Variants in NEBL observed in about 807,000 individuals in gnomAD.
NEBL encodes the protein nebulette.
A neutral mutation model predicts 140.2 loss-of-function variants in NEBL; 122 were observed. The observed-to-expected ratio is 0.87, with a 90% CI of 0.75 to 1.01. NEBL has a LOEUF of 1.01. NEBL is among the 50% of genes least tolerant of loss of function. NEBL has a pLI of 0.00. For missense variants in NEBL, 1,365 were observed against 1,231.3 expected, an observed-to-expected ratio of 1.11 and a Z score of -1.62; for synonymous variants, 436 against 398.9, an observed-to-expected ratio of 1.09 and a Z score of -1.11.
chr10:20,954,652 T>C lies in NEBL; in HGVS notation c.357+7020A>G, dbSNP rs149590976. ...AGGCCAGAGTCCCCTGCTAGAGAGC[T>C]TCCTGCCTCATAGTTCGAATTCCAG... On this transcript the variant is annotated intron_variant, in intron 4 of 6. Transcript: ENST00000417816. Among the ~76,000 whole-genome samples, 198 of 152,264 alleles carry C rather than the reference T, an allele frequency of 1.3e-3. 1 individual carries two copies. The highest frequency in any genetic ancestry group is 4.5e-3 in the African/African-American group (189 of 41,566).
intron 2 of NEBL, among the ~76,000 whole-genome samples, chr10:21,027,946 G>A (rs1375369226): frequency 1.3e-5 from 2 of 152,204 alleles, no homozygotes; most frequent in African/African-American, 2.4e-5. Flanking sequence ...AATAGGCCAA[G>A]TGCAGTGGCT....
chr10:21,065,524 G>C (rs530463179), intron 2 of NEBL, among the ~76,000 whole-genome samples: 214 of 152,284 alleles, frequency 1.4e-3, no homozygotes, highest in Non-Finnish European at 2.4e-3. Context: ...GAAGAAAGAA[G>C]GTGTGAAGGA....
intron 1 of NEBL, among the ~76,000 whole-genome samples, chr10:21,267,413 C>T (rs1045188332): frequency 1.3e-5 from 2 of 152,244 alleles, no homozygotes; most frequent in African/African-American, 4.8e-5. Flanking sequence ...CATGCCCAGG[C>T]TGCTGTTCTG....
At chr10:20,812,519 T>C (rs1248206636) in intron 24 of NEBL, among the ~76,000 whole-genome samples, 1 of 138,982 alleles carries the variant, frequency 7.2e-6, no homozygotes, top group South Asian at 2.4e-4. Flanking sequence ...GGAGGAACAT[T>C]CTTAAAATTA....
chr10:20,845,100 A>C (rs1370263235), intron 12 of NEBL, among the ~76,000 whole-genome samples, 158 bp downstream of exon 12: 2 of 152,110 alleles, frequency 1.3e-5, no homozygotes, highest in Non-Finnish European at 2.9e-5. Flanking sequence ...CTTGTTTCTA[A>C]TGAAAATGCA....
intron 2 of NEBL, among the ~76,000 whole-genome samples, chr10:21,144,174 A>G (rs944963496): frequency 6.6e-6 from 1 of 152,206 alleles, no homozygotes; most frequent in Non-Finnish European, 1.5e-5. Context: ...TTGTCTTTGT[A>G]TCCACCTCCT....
At chr10:20,948,946 G>A (rs1317355865) in intron 4 of NEBL, among the ~76,000 whole-genome samples, 3 of 152,124 alleles carry the variant, frequency 2.0e-5, no homozygotes, top group African/African-American at 7.2e-5. Context: ...CACTAGCTCT[G>A]TCCTCAAACA....
chr10:20,986,150 T>C (rs1467073597), intron 3 of NEBL, among the ~76,000 whole-genome samples: 2 of 152,198 alleles, frequency 1.3e-5, no homozygotes, highest in African/African-American at 2.4e-5. Flanking sequence ...CAAGTTCTAA[T>C]ACATATGCAG....
intron 18 of NEBL, 76 bp from the exon 19 acceptor site, chr10:20,823,376 A>T: frequency 9.4e-7 from 1 of 1,068,912 alleles, no homozygotes; most frequent in Non-Finnish European, 1.4e-6. Flanking sequence ...CTTCAATTGT[A>T]ACTATTGCAT....
chr10:20,963,630 A>G (rs547346868), intron 3 of NEBL, among the ~76,000 whole-genome samples: 14 of 152,232 alleles, frequency 9.2e-5, no homozygotes, highest in African/African-American at 3.4e-4. Context: ...CCTGGCCTCA[A>G]GTGATCCTCC....
chr10:20,968,420 A>G (rs2131631986), intron 3 of NEBL, among the ~76,000 whole-genome samples: 1 of 152,200 alleles, frequency 6.6e-6, no homozygotes. Flanking sequence ...CTGAGACAGG[A>G]GGAATACCTC....
intron 2 of NEBL, among the ~76,000 whole-genome samples, chr10:21,168,673 A>G (rs1474052262): frequency 6.6e-6 from 1 of 152,104 alleles, no homozygotes; most frequent in Non-Finnish European, 1.5e-5. Context: ...AAATGTCCTT[A>G]GTCTTAGTGC....
chr10:20,955,922 A>AC (rs1641865732), intron 4 of NEBL, among the ~76,000 whole-genome samples: 1 of 152,038 alleles, frequency 6.6e-6, no homozygotes, highest in Admixed American at 6.5e-5. Flanking sequence ...AAAAAAAAAA[A>AC]AAAGTCATAT....
chr10:20,787,807 A>T (rs1835558741), intron 26 of NEBL, among the ~76,000 whole-genome samples: 1 of 152,236 alleles, frequency 6.6e-6, no homozygotes, highest in Non-Finnish European at 1.5e-5. Context: ...ATGTTTAGCA[A>T]CACGTTTGTT....
chr10:20,856,723 T>G (rs970293901), intron 9 of NEBL, among the ~76,000 whole-genome samples: 4 of 152,172 alleles, frequency 2.6e-5, no homozygotes, highest in Non-Finnish European at 5.9e-5. Context: ...CCTCCAGATA[T>G]TCCTCTAACC....
At chr10:21,008,663 G>C (rs1333587425) in intron 3 of NEBL, among the ~76,000 whole-genome samples, 2 of 152,070 alleles carry the variant, frequency 1.3e-5, no homozygotes, top group African/African-American at 2.4e-5. Flanking sequence ...ATGTTGGCGT[G>C]GATGCAGTGA....
intron 19 of NEBL, 63 bp from the exon 20 acceptor site, chr10:20,819,579 A>G: frequency 1.3e-6 from 2 of 1,588,626 alleles, no homozygotes; most frequent in Non-Finnish European, 1.7e-6. Context: ...AAAACATTGC[A>G]ACAGATTTTT....
chr10:20,840,832 A>G lies in NEBL; in HGVS notation c.1245T>C (p.Asp415=). 6.3e-7 allele frequency: 1 copy of G among 1,580,088 alleles called. No homozygotes were observed. Among genetic ancestry groups the G allele is most frequent in the Non-Finnish European group, 8.7e-7 (1 of 1,150,948 alleles). ...CTTTCCCTTTTATCTCATTTTCCAA[A>G]TCTTTTTTATATTCTTTCTATGAGA... The part of the protein sequence containing the change: ...NLLREKEYKK[D]LENEIKGKGM... Residue 415 remains aspartate, a synonymous_variant, in exon 13 of 28, where the codon GAT becomes GAC. Transcript: ENST00000377122.
chr10:21,010,244 T>C (rs866497607), intron 3 of NEBL, among the ~76,000 whole-genome samples: 3 of 152,124 alleles, frequency 2.0e-5, no homozygotes, highest in South Asian at 2.1e-4. Flanking sequence ...TTTGTTTTTG[T>C]TTTGTTTCAT....
Sources: allele counts gnomAD v4.1 joint callset (sites outside exome capture counted in the v4.1 genomes callset), GRCh38; gene constraint gnomAD v4.1.1; transcripts MANE v1.5; gene names NCBI Gene and HGNC (gene_info 2026-07-23, HGNC 2026-07-21).